Variants in HS6ST3 observed in about 807,000 individuals in gnomAD.
HS6ST3 encodes heparan-sulfate 6-O-sulfotransferase 3.
A neutral mutation model predicts 36.7 loss-of-function variants in HS6ST3; 12 were observed. That is an observed-to-expected ratio of 0.33 (90% CI 0.21 to 0.53). HS6ST3 has a LOEUF of 0.53. Ranked by LOEUF, HS6ST3 falls within the 20% of genes least tolerant of loss-of-function variation. The pLI, the probability that HS6ST3 is intolerant of heterozygous loss-of-function variation, is 0.95. For missense variants in HS6ST3, 584 were observed against 640.9 expected, an observed-to-expected ratio of 0.91 and a Z score of 0.96; for synonymous variants, 240 against 257.5, an observed-to-expected ratio of 0.93 and a Z score of 0.65.
At chr13:96,799,246 GT>G (rs1877983381) in intron 1 of HS6ST3, among the ~76,000 whole-genome samples, 1 of 151,952 alleles carries the variant, frequency 6.6e-6, no homozygotes, top group South Asian at 2.1e-4. Context: ...AAGTGTTCCT[GT>G]TTCTCCACAT....
intron 1 of HS6ST3, among the ~76,000 whole-genome samples, chr13:96,133,534 T>C (rs2053986450): frequency 6.6e-6 from 1 of 152,148 alleles, no homozygotes; most frequent in Non-Finnish European, 1.5e-5. Flanking sequence ...AGGATTCTCC[T>C]GCCACAGCCG....
At chr13:96,163,524 C>T (rs1012264294) in intron 1 of HS6ST3, among the ~76,000 whole-genome samples, 1 of 152,078 alleles carries the variant, frequency 6.6e-6, no homozygotes, top group East Asian at 1.9e-4. Context: ...CCACTGCACC[C>T]AGCCCCTGTG....
At chr13:96,382,119 G>A (rs138449631) in intron 1 of HS6ST3, among the ~76,000 whole-genome samples, 33 of 152,258 alleles carry the variant, frequency 2.2e-4, no homozygotes, top group Admixed American at 5.9e-4. Flanking sequence ...CAGGAGCTGC[G>A]TTTGGTCCCT....
intron 1 of HS6ST3, among the ~76,000 whole-genome samples, chr13:96,211,133 T>C (rs1272122923): frequency 1.3e-5 from 2 of 152,164 alleles, no homozygotes; most frequent in Non-Finnish European, 2.9e-5. Flanking sequence ...GGTTTCACCA[T>C]GTTGGCTAGG....
chr13:96,705,969 A>T (rs1875412436), intron 1 of HS6ST3, among the ~76,000 whole-genome samples: 1 of 152,186 alleles, frequency 6.6e-6, no homozygotes, highest in South Asian at 2.1e-4. Context: ...CCTTTTAGAT[A>T]TCTAAGTATT....
chr13:96,493,927 G>A lies in HS6ST3; in HGVS notation c.708-338563G>A, dbSNP rs188219075. On this transcript the variant is annotated intron_variant, in intron 1 of 1. Coordinates refer to ENST00000376705, the MANE Select transcript of HS6ST3 (RefSeq NM_153456.4). The stretch of plus-strand genomic sequence containing the variant: ...CAGAATGGCTAAGTGAATTACCTTG[G>A]ATCTCATGCATGGTCATTATTTAAA... 7.0e-4 allele frequency among the ~76,000 whole-genome samples: 106 copies of A among 152,198 alleles called. 1 individual carries two copies. The East Asian group carries it at 8.1e-3, about 12-fold the overall frequency.
intron 1 of HS6ST3, among the ~76,000 whole-genome samples, chr13:96,611,399 A>G: frequency 6.6e-6 from 1 of 152,292 alleles, no homozygotes. Flanking sequence ...AATAATTTTA[A>G]TAGAAACAAA....
chr13:96,546,908 T>C (rs2056199996), intron 1 of HS6ST3, among the ~76,000 whole-genome samples: 2 of 152,072 alleles, frequency 1.3e-5, no homozygotes, highest in South Asian at 4.1e-4. Context: ...GACAGCAGAG[T>C]CCACAGTTGT....
intron 1 of HS6ST3, among the ~76,000 whole-genome samples, chr13:96,374,191 T>G (rs1253448620): frequency 6.6e-6 from 1 of 152,206 alleles, no homozygotes; most frequent in Non-Finnish European, 1.5e-5. Context: ...TTTACAGTAT[T>G]TTTGTTTTTA....
At chr13:96,409,446 G>A (rs1229257200) in intron 1 of HS6ST3, among the ~76,000 whole-genome samples, 12 of 152,176 alleles carry the variant, frequency 7.9e-5, no homozygotes, top group African/African-American at 2.9e-4. Flanking sequence ...CACATGGTAG[G>A]TGCTGAAATA....
At chr13:96,358,868 T>TAATC (rs2055222795) in intron 1 of HS6ST3, among the ~76,000 whole-genome samples, 1 of 133,046 alleles carries the variant, frequency 7.5e-6, no homozygotes, top group African/African-American at 2.9e-5. Flanking sequence ...AGTATATATA[T>TAATC]AATCTATCTA....
At chr13:96,112,586 T>A (rs1393956463) in intron 1 of HS6ST3, among the ~76,000 whole-genome samples, 7 of 52,380 alleles carry the variant, frequency 1.3e-4, no homozygotes, top group African/African-American at 2.6e-4. Context: ...TAAATATATA[T>A]ATATATATAT....
intron 1 of HS6ST3, among the ~76,000 whole-genome samples, chr13:96,321,612 C>T (rs909921154): frequency 2.0e-5 from 3 of 152,146 alleles, no homozygotes; most frequent in Admixed American, 1.3e-4. Flanking sequence ...CACTGTCTCT[C>T]ACTGTCCTCA....
rs80258078 is a variant in HS6ST3, at chr13:96,492,172, C to A, written c.708-340318C>A. Among the ~76,000 whole-genome samples the A allele has an allele frequency of 1.4e-4, 21 of 152,286 alleles. No individual in the cohort carries two copies. In the East Asian group the frequency reaches 4.0e-3, roughly 29 times the overall value. Reference sequence around the variant, plus strand: ...CGTGTCTCACAGTTCATAGATGCTGCCATTTTATTGGTTAATCCACATTCT... The same window carrying A: ...CGTGTCTCACAGTTCATAGATGCTGACATTTTATTGGTTAATCCACATTCT... On this transcript the variant is annotated intron_variant, in intron 1 of 1. Transcript: ENST00000376705.
At chr13:96,797,385 C>T (rs1289417117) in intron 1 of HS6ST3, among the ~76,000 whole-genome samples, 1 of 152,000 alleles carries the variant, frequency 6.6e-6, no homozygotes, top group Non-Finnish European at 1.5e-5. Flanking sequence ...CCTGGAGTAG[C>T]TCCAGCTGAG....
In HS6ST3 at chr13:96,594,018, G is replaced by A. The variant is rs536428210; in HGVS notation, c.708-238472G>A. On this transcript the variant is annotated intron_variant, in intron 1 of 1. Coordinates refer to ENST00000376705, the MANE Select transcript of HS6ST3 (RefSeq NM_153456.4). Reference sequence around the variant, plus strand: ...GTTTCCCAGGCTGGAGTGCAATGGCGCGATCTCAGCTCACCGCGATCTCAG... The same window carrying A: ...GTTTCCCAGGCTGGAGTGCAATGGCACGATCTCAGCTCACCGCGATCTCAG... Among the ~76,000 whole-genome samples the A allele has an allele frequency of 4.6e-5, 7 of 151,346 alleles. No homozygotes were observed. In the East Asian group the frequency reaches 5.9e-4, roughly 13 times the overall value.
intron 1 of HS6ST3, among the ~76,000 whole-genome samples, chr13:96,425,497 C>T (rs1257362341): frequency 1.3e-5 from 2 of 152,070 alleles, no homozygotes; most frequent in Non-Finnish European, 1.5e-5. Flanking sequence ...AGTTTCATGT[C>T]GTTCTTATAA....
intron 1 of HS6ST3, among the ~76,000 whole-genome samples, chr13:96,350,221 T>C (rs1177789950): frequency 6.6e-6 from 1 of 152,250 alleles, no homozygotes; most frequent in East Asian, 1.9e-4. Flanking sequence ...TCCACATCTA[T>C]TGTTTTTCAT....
chr13:96,739,911 T>G (rs893308018), intron 1 of HS6ST3, among the ~76,000 whole-genome samples: 126 of 152,258 alleles, frequency 8.3e-4, no homozygotes, highest in African/African-American at 2.9e-3. Context: ...CATTTCCCAC[T>G]TTTTGCTGCC....
Sources: allele counts gnomAD v4.1 joint callset (sites outside exome capture counted in the v4.1 genomes callset), GRCh38; gene constraint gnomAD v4.1.1; transcripts MANE v1.5; gene names NCBI Gene and HGNC (gene_info 2026-07-23, HGNC 2026-07-21).